Variants in MARCHF1 observed in about 807,000 individuals in gnomAD.
MARCHF1 encodes E3 ubiquitin-protein ligase MARCHF1.
In MARCHF1, 40 loss-of-function variants were observed where a neutral mutation model predicts 54.2. That is an observed-to-expected ratio of 0.74 (90% confidence interval 0.57 to 0.96). The LOEUF (loss-of-function observed/expected upper bound fraction) is 0.96, where lower values mean the gene tolerates loss of function less well. Ranked by LOEUF, MARCHF1 falls within the 40% of genes least tolerant of loss-of-function variation. MARCHF1 has a pLI of 0.00. For missense variants in MARCHF1, 586 were observed against 656.5 expected (o/e 0.89, Z 1.17); for synonymous variants, 236 against 236.3 (o/e 1.00, Z 0.01).
intron 2 of MARCHF1, among the ~76,000 whole-genome samples, chr4:164,065,229 T>C (rs1754701980): frequency 6.6e-6 from 1 of 152,194 alleles, no homozygotes; most frequent in Non-Finnish European, 1.5e-5. Flanking sequence ...GAAATGGTAC[T>C]AGTTCCTCTT....
At chr4:163,948,214 T>G (rs1360245754) in intron 3 of MARCHF1, among the ~76,000 whole-genome samples, 1 of 152,206 alleles carries the variant, frequency 6.6e-6, no homozygotes, top group African/African-American at 2.4e-5. Context: ...ATGGTATACT[T>G]TACGTTTCAA....
intron 4 of MARCHF1, among the ~76,000 whole-genome samples, chr4:163,847,175 T>C (rs575609053): frequency 6.6e-6 from 1 of 152,332 alleles, no homozygotes; most frequent in South Asian, 2.1e-4. Context: ...AAAATTCATT[T>C]ACATACTTCT....
intron 2 of MARCHF1, among the ~76,000 whole-genome samples, chr4:164,048,920 T>C (rs757876673): frequency 6.6e-6 from 1 of 152,198 alleles, no homozygotes; most frequent in East Asian, 1.9e-4. Context: ...AAATCAGTTT[T>C]ATATAATTAT....
At chr4:163,742,724 C>CA (rs1746244502) in intron 4 of MARCHF1, among the ~76,000 whole-genome samples, 1 of 152,056 alleles carries the variant, frequency 6.6e-6, no homozygotes, top group Non-Finnish European at 1.5e-5. Context: ...ATGATCCTCC[C>CA]ACCCGGACCT....
At chr4:163,740,100 A>C (rs17577439) in intron 4 of MARCHF1, among the ~76,000 whole-genome samples, 8,082 of 152,238 alleles carry the variant, frequency 0.053, 303 homozygotes, top group Non-Finnish European at 0.084. Context: ...AAAATGAGAG[A>C]CTTGATTATG....
intron 1 of MARCHF1, among the ~76,000 whole-genome samples, chr4:164,205,448 C>T (rs1452695983): frequency 6.6e-6 from 1 of 152,100 alleles, no homozygotes; most frequent in Non-Finnish European, 1.5e-5. Context: ...AGCGCAAACT[C>T]GCTACTATAA....
At chr4:163,637,041 A>G (rs1407477507) in intron 5 of MARCHF1, among the ~76,000 whole-genome samples, 5 of 151,486 alleles carry the variant, frequency 3.3e-5, no homozygotes. Context: ...CTGGCTAGCC[A>G]TATGTAGAAA....
chr4:164,220,437 T>A (rs1047284635), intron 1 of MARCHF1, among the ~76,000 whole-genome samples: 2 of 146,466 alleles, frequency 1.4e-5, no homozygotes, highest in African/African-American at 4.9e-5. Flanking sequence ...TTCCTATATA[T>A]ATAAGAATTC....
chr4:164,023,679 G>C (rs1753712763), intron 2 of MARCHF1, among the ~76,000 whole-genome samples: 1 of 152,200 alleles, frequency 6.6e-6, no homozygotes, highest in Non-Finnish European at 1.5e-5. Flanking sequence ...CAAAAAGCCA[G>C]TATCCCCTTA....
intron 8 of MARCHF1, among the ~76,000 whole-genome samples, chr4:163,580,659 T>C (rs1194670309): frequency 6.6e-6 from 1 of 152,224 alleles, no homozygotes; most frequent in African/African-American, 2.4e-5. Context: ...GGTGTGCATA[T>C]AATGATATAC....
intron 6 of MARCHF1, 109 bp downstream of exon 6, chr4:163,613,205 T>C: frequency 7.5e-7 from 1 of 1,339,866 alleles, no homozygotes. Context: ...ATAAATTTTC[T>C]ATGGACCATG....
chr4:163,911,195 T>C (rs1751181522), intron 3 of MARCHF1, among the ~76,000 whole-genome samples: 1 of 152,232 alleles, frequency 6.6e-6, no homozygotes, highest in Non-Finnish European at 1.5e-5. Context: ...TCTTATGTTT[T>C]ACCATCTATC....
chr4:163,930,319 G>A (rs996642242), intron 3 of MARCHF1, among the ~76,000 whole-genome samples: 1 of 151,818 alleles, frequency 6.6e-6, no homozygotes, highest in Non-Finnish European at 1.5e-5. Flanking sequence ...CCCCTTTGGG[G>A]AATAGGAACC....
chr4:163,933,314 T>C, intron 3 of MARCHF1: 1 of 554,926 alleles, frequency 1.8e-6, no homozygotes, highest in Non-Finnish European at 3.4e-6. Context: ...TCTCCATTCC[T>C]TATTCCACTT....
intron 2 of MARCHF1, among the ~76,000 whole-genome samples, chr4:164,056,483 C>G (rs1754493090): frequency 6.6e-6 from 1 of 150,502 alleles, no homozygotes; most frequent in Non-Finnish European, 1.5e-5. Context: ...ATCCTCCATT[C>G]TCCTGCCCTG....
intron 4 of MARCHF1, among the ~76,000 whole-genome samples, chr4:163,792,972 T>C (rs1176122566): frequency 6.6e-6 from 1 of 152,176 alleles, no homozygotes; most frequent in Non-Finnish European, 1.5e-5. Context: ...CTCTGTCTCC[T>C]CTCTAAAGCG....
chr4:164,330,830 C>G (rs1300178165), intron 1 of MARCHF1, among the ~76,000 whole-genome samples: 1 of 152,154 alleles, frequency 6.6e-6, no homozygotes, highest in East Asian at 1.9e-4. Flanking sequence ...TGAAACGAAG[C>G]TGTTAACCAT....
At chr4:163,636,383 C>T (rs1392938855) in intron 5 of MARCHF1, among the ~76,000 whole-genome samples, 1 of 143,844 alleles carries the variant, frequency 7.0e-6, no homozygotes, top group East Asian at 2.1e-4. Flanking sequence ...AGCTGATAAG[C>T]AACTTCAGCA....
intron 3 of MARCHF1, among the ~76,000 whole-genome samples, chr4:163,935,229 G>A (rs976373351): frequency 3.3e-5 from 5 of 152,082 alleles, no homozygotes; most frequent in Non-Finnish European, 7.4e-5. Flanking sequence ...TCAATTTAAA[G>A]TTACCAGCTG....
Sources: gnomAD v4.1 joint callset for allele counts (sites outside exome capture counted in the v4.1 genomes callset) on GRCh38, gnomAD v4.1.1 for gene constraint, MANE v1.5 for transcripts, NCBI Gene and HGNC (gene_info 2026-07-23, HGNC 2026-07-21) for gene names.